The following MRC2 variants were observed in gnomAD, a reference collection of about 807,000 sequenced individuals.
MRC2 encodes C-type mannose receptor 2.
In MRC2, 84 loss-of-function variants were observed where a neutral mutation model predicts 206.2. The observed-to-expected ratio is 0.41, with a 90% CI of 0.34 to 0.49. The LOEUF (loss-of-function observed/expected upper bound fraction) is 0.49, where lower values mean the gene tolerates loss of function less well. MRC2 is among the 20% of genes least tolerant of loss of function. The pLI is 0.31. For synonymous variants in MRC2, 798 were observed against 800.0 expected (o/e 1.00, Z 0.04); for missense variants, 1,676 against 2,001.5 (o/e 0.84, Z 3.10).
rs909372814 is a variant in MRC2, at chr17:62,691,129, G to A, written c.4192+1G>A. On this transcript the variant is annotated splice_donor_variant, in intron 28 of 29. Transcript: ENST00000303375. LOFTEE classifies it high-confidence loss of function. ...GGTGTCGTCTGCAAGCTTCCTCGTG[G>A]TGAGCGCCGGGCAGGCCCACGCTCA... The A allele has an allele frequency of 6.2e-7, 1 of 1,600,556 alleles. No individual in the cohort carries two copies. The highest frequency in any genetic ancestry group is 2.3e-5 in the East Asian group (1 of 44,318).
intron 19 of MRC2, 50 bp from the exon 20 acceptor site, chr17:62,682,180 ATGCCC>A: frequency 6.7e-7 from 1 of 1,481,704 alleles, no homozygotes; most frequent in South Asian, 1.3e-5. Flanking sequence ...GCTGCCAGCC[ATGCCC>A]TGCCCTGCTC....
At chr17:62,677,175 G>A in intron 11 of MRC2, 94 bp from the exon 12 acceptor site, 1 of 1,083,842 alleles carries the variant, frequency 9.2e-7, no homozygotes, top group South Asian at 1.6e-5. Context: ...CTGGTTCCCA[G>A]TGTGAGGGCC....
rs779099960 is a variant in MRC2, at chr17:62,692,197, C to T, written c.4220-34C>T. 1.9e-6 allele frequency: 3 copies of T among 1,613,776 alleles called. No homozygotes were observed. Among genetic ancestry groups the T allele is most frequent in the Admixed American group, 3.3e-5 (2 of 59,982 alleles). Reference sequence around the variant, plus strand: ...CAGGAAGCACTGCTGGGCCTAACGCCCACTTGGCCTTTCACGCCCACTCGC... The same window carrying T: ...CAGGAAGCACTGCTGGGCCTAACGCTCACTTGGCCTTTCACGCCCACTCGC... On this transcript the variant is annotated intron_variant, in intron 29 of 29. Transcript: ENST00000303375. This position sits in a 1 kb window ranked among gnomAD's most constrained non-coding sequence, Gnocchi z 4.2.
At position 62,678,705 on chromosome 17, in the gene MRC2, T is replaced by C; in HGVS notation, c.2195+59T>C. ...ACCCGCACACGTGTAGGAGCAGGCA[T>C]GGCCGACAGACCCTTGGTTTTGTTG... is the stretch of plus-strand genomic sequence containing the variant. On this transcript the variant is annotated intron_variant, in intron 13 of 29. Transcript: ENST00000303375. 7.0e-6 allele frequency: 11 copies of C among 1,575,162 alleles called. No individual in the cohort carries two copies. In the South Asian group the frequency reaches 1.2e-4, roughly 17 times the overall value.
At chr17:62,632,380 C>T (rs889848291) in intron 1 of MRC2, among the ~76,000 whole-genome samples, 8 of 152,210 alleles carry the variant, frequency 5.3e-5, no homozygotes. Context: ...TGCACTCTCA[C>T]AGCGCAGACC....
At chr17:62,640,826 A>G (rs1165955164) in intron 1 of MRC2, among the ~76,000 whole-genome samples, 1 of 151,760 alleles carries the variant, frequency 6.6e-6, no homozygotes, top group Non-Finnish European at 1.5e-5. Flanking sequence ...CTGGGACTAC[A>G]GGTGCCCGCC....
intron 1 of MRC2, among the ~76,000 whole-genome samples, chr17:62,657,312 C>T (rs1468005398): frequency 1.3e-5 from 2 of 152,242 alleles, no homozygotes; most frequent in African/African-American, 4.8e-5. Context: ...TGATGCCCTG[C>T]TGGCATCTAT....
chr17:62,674,791 C>G (rs1026749694), intron 9 of MRC2, among the ~76,000 whole-genome samples: 2 of 152,082 alleles, frequency 1.3e-5, no homozygotes, highest in Non-Finnish European at 2.9e-5. Flanking sequence ...TCTCCTCCTC[C>G]AGGGAGTGGA....
chr17:62,655,101 C>T (rs1424393176), intron 1 of MRC2, among the ~76,000 whole-genome samples: 2 of 151,316 alleles, frequency 1.3e-5, no homozygotes, highest in Non-Finnish European at 2.9e-5. Context: ...CTGGCTAATG[C>T]GGTGAAACCC....
intron 1 of MRC2, among the ~76,000 whole-genome samples, chr17:62,648,445 C>T (rs1185109253): frequency 6.6e-6 from 1 of 152,262 alleles, no homozygotes; most frequent in Admixed American, 6.5e-5. Context: ...TCTTTCCACA[C>T]TTTCCCTTCC....
intron 1 of MRC2, among the ~76,000 whole-genome samples, chr17:62,649,457 G>A (rs920093520): frequency 6.6e-6 from 1 of 152,160 alleles, no homozygotes; most frequent in Non-Finnish European, 1.5e-5. Flanking sequence ...GAGGCATGGT[G>A]GTGGGCGCCT....
intron 27 of MRC2, 44 bp from the exon 28 acceptor site, chr17:62,690,905 T>C: frequency 1.3e-6 from 2 of 1,525,012 alleles, no homozygotes; most frequent in Non-Finnish European, 1.8e-6. Flanking sequence ...CACCTACTCC[T>C]GCCCCACCTT....
rs150353230 is a variant in MRC2, at chr17:62,673,955, C to A, written c.1462-108C>A. 188 of 843,684 alleles carry A rather than the reference C, an allele frequency of 2.2e-4. 1 individual carries two copies. The highest frequency in any genetic ancestry group is 2.0e-3 in the African/African-American group (119 of 59,272). 52.3% of individuals were successfully genotyped at this position (843,684 alleles called of 1,614,324 possible). On this transcript the variant is annotated intron_variant, in intron 8 of 29. Coordinates refer to ENST00000303375, the MANE Select transcript of MRC2 (RefSeq NM_006039.5). ...CTGGGACACAGACATGTCAGAATCA[C>A]ACAGTAAGTCAGAGACAGGGCCAGC...
intron 1 of MRC2, among the ~76,000 whole-genome samples, chr17:62,630,286 T>C (rs2084206214): frequency 6.6e-6 from 1 of 152,208 alleles, no homozygotes; most frequent in African/African-American, 2.4e-5. Context: ...CATTTCATTT[T>C]GATAACAACC....
chr17:62,675,780 C>T lies in MRC2; in HGVS notation c.1570-10C>T. On this transcript the variant is annotated splice_polypyrimidine_tract_variant and intron_variant, in intron 9 of 29. Coordinates refer to ENST00000303375, the MANE Select transcript of MRC2 (RefSeq NM_006039.5). This position sits in a 1 kb window ranked among gnomAD's most constrained non-coding sequence, Gnocchi z 4.1. ...TACAGACACCCCTCTTCTGTCCACT[C>T]TTGAGCCAGGGTTGGACGTGGCACA... The T allele has an allele frequency of 6.2e-7, 1 of 1,611,790 alleles. No homozygotes were observed. The highest frequency in any genetic ancestry group is 8.5e-7 in the Non-Finnish European group (1 of 1,177,866).
Position 62,690,177 on chromosome 17 carries a change from T to TGG in MRC2, c.3764_3765insGG (p.Ile1255MetfsTer79). The stretch of plus-strand genomic sequence containing the variant: ...ACAGGGCCCCCTCCTCCCCGAAGAA[T>TGG]AAGCTACCATGGCAGCTGTCCCCAG... On this transcript the variant is annotated frameshift_variant, in exon 26 of 30. Coordinates refer to ENST00000303375, the MANE Select transcript of MRC2 (RefSeq NM_006039.5). LOFTEE classifies it high-confidence loss of function. The TGG allele has an allele frequency of 6.2e-7, 1 of 1,608,572 alleles. No individual in the cohort carries two copies. The highest frequency in any genetic ancestry group is 8.5e-7 in the Non-Finnish European group (1 of 1,176,108).
At chr17:62,676,706 C>A in intron 11 of MRC2, 175 bp downstream of exon 11, 1 of 688,430 alleles carries the variant, frequency 1.5e-6, no homozygotes, top group Non-Finnish European at 2.3e-6. Flanking sequence ...CATGACTCTG[C>A]CATCTTTTAG....
chr17:62,632,332 G>A (rs1021849870), intron 1 of MRC2, among the ~76,000 whole-genome samples: 1 of 152,094 alleles, frequency 6.6e-6, no homozygotes, highest in South Asian at 2.1e-4. Context: ...CTGGCCCCTC[G>A]TCTCTCCTTC....
Position 62,688,309 on chromosome 17 carries a change from G to A in MRC2, c.2967G>A (p.Gln989=). The A allele has an allele frequency of 6.2e-7, 1 of 1,614,132 alleles. No homozygotes were observed. Among genetic ancestry groups the A allele is most frequent in the Non-Finnish European group, 8.5e-7 (1 of 1,180,014 alleles). The change falls in exon 21 of 30, where the codon CAG becomes CAA. Residue 989 remains glutamine, a synonymous_variant. Transcript: ENST00000303375. The part of the protein sequence containing the change: ...FLNKCFQVQG[Q]EPQSRVKWSE... ...CACAGTGTTTTCAGGTCCAGGGCCA[G>A]GAACCCCAGAGCCGGGTGAAGTGGT...
Sources: gnomAD v4.1 joint callset for allele counts (sites outside exome capture counted in the v4.1 genomes callset) on GRCh38, gnomAD v4.1.1 for gene constraint, Gnocchi (gnomAD v3.1) non-coding constraint, MANE v1.5 for transcripts, NCBI Gene and HGNC (gene_info 2026-07-23, HGNC 2026-07-21) for gene names.